LINGO2: variants seen among roughly 807,000 people sequenced by gnomAD.
The protein encoded by LINGO2 is leucine-rich repeat and immunoglobulin-like domain-containing nogo receptor-interacting protein 2.
A neutral mutation model predicts 30.6 loss-of-function variants in LINGO2; 14 were observed. That is an observed-to-expected ratio of 0.46 (90% CI 0.30 to 0.72). LINGO2 has a LOEUF of 0.72. LINGO2 is among the 30% of genes least tolerant of loss of function. The probability of loss-of-function intolerance (pLI) is 0.07; values close to 1 mark genes in which losing one functional copy is unlikely to be tolerated. For missense variants in LINGO2, 729 were observed against 751.7 expected, an observed-to-expected ratio of 0.97 and a Z score of 0.35; for synonymous variants, 317 against 288.5, an observed-to-expected ratio of 1.10 and a Z score of -1.00.
chr9:28,546,746 G>A (rs561632909), intron 1 of LINGO2, among the ~76,000 whole-genome samples: 1 of 152,186 alleles, frequency 6.6e-6, no homozygotes, highest in South Asian at 2.1e-4. Context: ...GTCAGAAAGA[G>A]ACTCTGTTTC....
the LINGO2 span, among the ~76,000 whole-genome samples, chr9:29,150,426 G>A: frequency 1.3e-5 from 2 of 152,170 alleles, no homozygotes; most frequent in Non-Finnish European, 2.9e-5. Context: ...TAACCAGTTT[G>A]AAAGAACTGA....
At chr9:28,242,309 G>A (rs1587307648) in intron 4 of LINGO2, among the ~76,000 whole-genome samples, 1 of 152,136 alleles carries the variant, frequency 6.6e-6, no homozygotes, top group Non-Finnish European at 1.5e-5. Flanking sequence ...AACATAGCAT[G>A]AGAACTTCGT....
At chr9:27,985,543 TTGAGGA>T (rs961017558) in intron 5 of LINGO2, among the ~76,000 whole-genome samples, 2 of 151,892 alleles carry the variant, frequency 1.3e-5, no homozygotes, top group African/African-American at 4.8e-5. Flanking sequence ...TCTGTGTGAT[TTGAGGA>T]TAATTTTTGG....
chr9:28,906,459 G>T, the LINGO2 span, among the ~76,000 whole-genome samples: 2 of 151,396 alleles, frequency 1.3e-5, no homozygotes, highest in African/African-American at 4.8e-5. Context: ...AAGGAAAATA[G>T]AAATATTTTA....
At chr9:29,172,341 A>AG in the LINGO2 span, among the ~76,000 whole-genome samples, 41,132 of 151,566 alleles carry the variant, frequency 0.27, 5,846 homozygotes, top group East Asian at 0.45. Flanking sequence ...TTGAATTATC[A>AG]AGATGACTCT....
At chr9:29,192,628 C>T in the LINGO2 span, among the ~76,000 whole-genome samples, 1 of 152,152 alleles carries the variant, frequency 6.6e-6, no homozygotes, top group Non-Finnish European at 1.5e-5. Context: ...CATCTCTTCG[C>T]TCTGAACACT....
intron 2 of LINGO2, among the ~76,000 whole-genome samples, chr9:28,375,117 CACACACACACACACACATACA>C: frequency 1.8e-5 from 1 of 55,392 alleles, no homozygotes; most frequent in Middle Eastern, 8.8e-3. Context: ...CACACACACA[CACACACACACACACACATACA>C]CCCCACACTA....
chr9:29,145,203 G>C, the LINGO2 span, among the ~76,000 whole-genome samples: 1 of 152,194 alleles, frequency 6.6e-6, no homozygotes, highest in African/African-American at 2.4e-5. Flanking sequence ...ACTTCATATT[G>C]TGCAAATGTC....
chr9:28,255,196 GCT>G (rs145554324), intron 4 of LINGO2, among the ~76,000 whole-genome samples: 2 of 148,142 alleles, frequency 1.4e-5, no homozygotes, highest in African/African-American at 2.5e-5. Context: ...TCCCTCTCTC[GCT>G]CTCTCTCTCT....
intron 1 of LINGO2, among the ~76,000 whole-genome samples, chr9:28,494,996 G>T (rs1413412318): frequency 6.6e-6 from 1 of 152,138 alleles, no homozygotes; most frequent in South Asian, 2.1e-4. Context: ...TCATGTGTCT[G>T]TTGGCTGCAT....
the LINGO2 span, among the ~76,000 whole-genome samples, chr9:28,785,227 A>T: frequency 1.1e-4 from 16 of 152,186 alleles, no homozygotes. Context: ...ACATTACATT[A>T]TGAAGAGTCT....
At chr9:28,002,395 A>G (rs1439063435) in intron 5 of LINGO2, among the ~76,000 whole-genome samples, 1 of 152,204 alleles carries the variant, frequency 6.6e-6, no homozygotes, top group Admixed American at 6.5e-5. Context: ...ACTTTCTAAT[A>G]GTGCCAATTT....
chr9:28,084,376 A>T (rs1825852016), intron 4 of LINGO2, among the ~76,000 whole-genome samples: 1 of 152,134 alleles, frequency 6.6e-6, no homozygotes, highest in African/African-American at 2.4e-5. Flanking sequence ...AAAGATAAGT[A>T]AAATATTTAT....
At chr9:28,208,874 T>A (rs1164532654) in intron 4 of LINGO2, among the ~76,000 whole-genome samples, 1 of 152,018 alleles carries the variant, frequency 6.6e-6, no homozygotes, top group Non-Finnish European at 1.5e-5. Flanking sequence ...CTCTGCTAAG[T>A]CCTTAGCACT....
chr9:28,509,540 C>T (rs1271371941), intron 1 of LINGO2, among the ~76,000 whole-genome samples: 2 of 152,140 alleles, frequency 1.3e-5, no homozygotes, highest in East Asian at 3.9e-4. Context: ...ATCAGTTGTG[C>T]CCCTATCAAA....
At chr9:27,954,850 A>T (rs7864067) in intron 5 of LINGO2, among the ~76,000 whole-genome samples, 4 of 151,560 alleles carry the variant, frequency 2.6e-5, no homozygotes, top group Non-Finnish European at 5.9e-5. Flanking sequence ...TGGCTGTAGT[A>T]GTTCACATTT....
At chr9:28,804,259 A>C in the LINGO2 span, among the ~76,000 whole-genome samples, 7 of 152,122 alleles carry the variant, frequency 4.6e-5, no homozygotes, top group African/African-American at 1.7e-4. Context: ...ATATGCAGCT[A>C]TTGGGGCCAA....
At chr9:28,191,529 T>A (rs751471254) in intron 4 of LINGO2, among the ~76,000 whole-genome samples, 10 of 152,138 alleles carry the variant, frequency 6.6e-5, no homozygotes, top group African/African-American at 1.2e-4. Flanking sequence ...CTCTTATTTT[T>A]CTCCTTCTTG....
chr9:27,944,784 A>AGGC (rs1823300074), downstream of LINGO2, among the ~76,000 whole-genome samples: 1 of 152,114 alleles, frequency 6.6e-6, no homozygotes, highest in African/African-American at 2.4e-5. Flanking sequence ...TTTGGTCCCA[A>AGGC]AGGTTTTGTT....
Sources: gnomAD v4.1 joint callset for allele counts (sites outside exome capture counted in the v4.1 genomes callset) on GRCh38, gnomAD v4.1.1 for gene constraint, MANE v1.5 for transcripts, NCBI Gene and HGNC (gene_info 2026-07-23, HGNC 2026-07-21) for gene names.